The following CSMD1 variants were observed in gnomAD, a reference collection of about 807,000 sequenced individuals.
The protein encoded by CSMD1 is CUB and Sushi multiple domains 1, also known as CUB and sushi domain-containing protein 1.
In CSMD1, 213 loss-of-function variants were observed where a neutral mutation model predicts 417.5. The ratio of observed to expected loss-of-function variants is 0.51; its 90% CI spans 0.46 to 0.57. The LOEUF (loss-of-function observed/expected upper bound fraction) is 0.57. CSMD1 is among the 20% of genes least tolerant of loss of function. The pLI is 0.00. For synonymous variants in CSMD1, 2,862 were observed against 1,736.8 expected, an observed-to-expected ratio of 1.65 and a Z score of -16.11; for missense variants, 6,923 against 4,529.7, an observed-to-expected ratio of 1.53 and a Z score of -15.17.
intron 5 of CSMD1, among the ~76,000 whole-genome samples, chr8:3,855,207 G>C (rs922521670): frequency 2.0e-5 from 3 of 151,966 alleles, no homozygotes; most frequent in Non-Finnish European, 2.9e-5. Context: ...AAAACTAATG[G>C]ACAAGGCTGC....
intron 52 of CSMD1, among the ~76,000 whole-genome samples, chr8:3,017,894 C>G (rs76474005): frequency 0.054 from 7,943 of 146,692 alleles, 226 homozygotes; most frequent in East Asian, 0.073. Context: ...TTTTACAAAT[C>G]ACCAGCAGAC....
chr8:4,629,516 GAAAC>G (rs1251529630), intron 2 of CSMD1, among the ~76,000 whole-genome samples: 8 of 152,136 alleles, frequency 5.3e-5, no homozygotes, highest in Non-Finnish European at 1.2e-4. Flanking sequence ...CAAATTAAGA[GAAAC>G]AATTCTTTGT....
chr8:4,847,773 C>T (rs1335211605), intron 1 of CSMD1, among the ~76,000 whole-genome samples: 1 of 142,290 alleles, frequency 7.0e-6, no homozygotes, highest in African/African-American at 2.6e-5. Flanking sequence ...TCCTCTCTAT[C>T]GGGATTTTTT....
rs959472959 is a variant in CSMD1 at position 4,342,340 on chromosome 8, C to A, written c.415+77613G>T. On this transcript the variant is annotated intron_variant, in intron 3 of 69. Coordinates refer to ENST00000635120, the MANE Select transcript of CSMD1 (RefSeq NM_033225.6). ...ATGTAAAACATAGGTATTACACACA[C>A]AGAAAAATATGTGTATACATTCTAC... 3.0e-4 allele frequency among the ~76,000 whole-genome samples: 45 copies of A among 151,966 alleles called. 1 individual carries two copies. The highest frequency in any genetic ancestry group is 2.9e-5 in the Non-Finnish European group (2 of 67,984).
chr8:4,513,813 C>T (rs140017159), intron 2 of CSMD1, among the ~76,000 whole-genome samples: 210 of 152,262 alleles, frequency 1.4e-3, no homozygotes, highest in South Asian at 2.7e-3. Context: ...ACTTAAGCTA[C>T]GCTTTCTCTG....
At chr8:3,583,807 G>A (rs538517022) in intron 9 of CSMD1, among the ~76,000 whole-genome samples, 5 of 151,960 alleles carry the variant, frequency 3.3e-5, no homozygotes, top group African/African-American at 1.2e-4. Flanking sequence ...TGACTGTAAG[G>A]TCAGAACACA....
chr8:3,756,816 G>C (rs773421307), intron 5 of CSMD1, among the ~76,000 whole-genome samples: 6 of 150,600 alleles, frequency 4.0e-5, no homozygotes, highest in African/African-American at 1.5e-4. Context: ...TTTTTCTTGA[G>C]ACAGTGTCTT....
chr8:4,122,153 T>C (rs1201600812), intron 3 of CSMD1, among the ~76,000 whole-genome samples: 2 of 152,140 alleles, frequency 1.3e-5, no homozygotes, highest in African/African-American at 4.8e-5. Flanking sequence ...CGCTAAGTTA[T>C]TTTCCTGACA....
chr8:3,708,474 A>T lies in CSMD1; in HGVS notation c.949T>A (p.Leu317Met), dbSNP rs1198135172. The change falls in exon 7 of 70, where the codon TTG becomes ATG. Residue 317 changes from leucine to methionine, a missense_variant. Leu to Met is a conservative substitution (Grantham distance 15). Coordinates refer to ENST00000635120, the MANE Select transcript of CSMD1 (RefSeq NM_033225.6). ...AGCATCTTGACTCCTCTTGACTTCA[A>T]CTCAATCGCCTTTTTCACTGGAAGA... The part of the protein sequence containing the change: ...AQFQVKKAIE[L>M]KSRGVKMLPS... 1 of 1,613,876 alleles carries T rather than the reference A, an allele frequency of 6.2e-7. No homozygotes were observed.
chr8:3,781,354 A>G (rs1272488416), intron 5 of CSMD1, among the ~76,000 whole-genome samples: 1 of 152,090 alleles, frequency 6.6e-6, no homozygotes, highest in East Asian at 1.9e-4. Context: ...CACGGAGTCT[A>G]GGGTCAGGTC....
chr8:3,384,784 A>T (rs1481776676), intron 18 of CSMD1, among the ~76,000 whole-genome samples: 6 of 121,376 alleles, frequency 4.9e-5, no homozygotes, highest in Admixed American at 9.9e-5. Context: ...TTTATATAAT[A>T]TATATTAATA....
intron 11 of CSMD1, among the ~76,000 whole-genome samples, chr8:3,474,413 C>G (rs913818139): frequency 5.3e-5 from 8 of 152,026 alleles, no homozygotes; most frequent in African/African-American, 1.4e-4. Flanking sequence ...GGCAAACAAA[C>G]ATTTATTTAT....
intron 10 of CSMD1, among the ~76,000 whole-genome samples, chr8:3,511,527 G>C (rs1201230063): frequency 2.0e-5 from 3 of 151,658 alleles, no homozygotes; most frequent in Non-Finnish European, 2.9e-5. Context: ...GGCCGAGGCA[G>C]GTAGATCACT....
intron 1 of CSMD1, among the ~76,000 whole-genome samples, chr8:4,900,597 G>T (rs1246785989): frequency 6.6e-6 from 1 of 152,120 alleles, no homozygotes; most frequent in Non-Finnish European, 1.5e-5. Flanking sequence ...CTGATTTCCA[G>T]CATCTCTGGT....
chr8:3,694,050 G>C (rs1475293939), intron 7 of CSMD1, among the ~76,000 whole-genome samples: 1 of 149,806 alleles, frequency 6.7e-6, no homozygotes, highest in Non-Finnish European at 1.5e-5. Flanking sequence ...TATGTGTGTT[G>C]TGTTAGTGTG....
intron 2 of CSMD1, among the ~76,000 whole-genome samples, chr8:4,450,027 T>C (rs1251415500): frequency 1.3e-5 from 2 of 152,232 alleles, no homozygotes; most frequent in Non-Finnish European, 1.5e-5. Flanking sequence ...CTGGGTGTCC[T>C]GTCCTTGATG....
chr8:3,599,733 C>A (rs974655628), intron 8 of CSMD1, among the ~76,000 whole-genome samples: 1 of 152,176 alleles, frequency 6.6e-6, no homozygotes, highest in East Asian at 1.9e-4. Flanking sequence ...CCAACCTATA[C>A]CTTGCACTCC....
At chr8:3,959,995 G>A (rs1178231183) in intron 5 of CSMD1, among the ~76,000 whole-genome samples, 1 of 152,216 alleles carries the variant, frequency 6.6e-6, no homozygotes, top group Non-Finnish European at 1.5e-5. Context: ...GTTAATCACA[G>A]TATGTGCGTG....
rs1211892467 is a variant in CSMD1 at position 3,628,018 on chromosome 8, A to T, written c.1010-11221T>A. 2.0e-5 allele frequency among the ~76,000 whole-genome samples: 3 copies of T among 152,208 alleles called. No homozygotes were observed. In the East Asian group the frequency reaches 5.8e-4, roughly 29 times the overall value. On this transcript the variant is annotated intron_variant, in intron 7 of 69. Coordinates refer to ENST00000635120, the MANE Select transcript of CSMD1 (RefSeq NM_033225.6). ...TCTAATATGAATTCCTATGTAAAAG[A>T]TTCAAAAGGGCAATGTAATATAAAG... is the stretch of plus-strand genomic sequence containing the variant.
Sources: gnomAD v4.1 joint callset for allele counts (sites outside exome capture counted in the v4.1 genomes callset) on GRCh38, gnomAD v4.1.1 for gene constraint, MANE v1.5 for transcripts, NCBI Gene and HGNC (gene_info 2026-07-23, HGNC 2026-07-21) for gene names.